Variants in GRID2 observed in about 807,000 individuals in gnomAD.
The protein encoded by GRID2 is glutamate receptor ionotropic, delta-2.
Under a neutral mutation model 114.8 loss-of-function variants are expected in GRID2, and 33 were observed. That is an observed-to-expected ratio of 0.29 (90% confidence interval 0.22 to 0.38). The LOEUF is 0.38. Among genes scored for constraint, GRID2 ranks in the 10% least tolerant of loss-of-function variants. GRID2 has a pLI of 1.00. For synonymous variants in GRID2, 505 were observed against 449.9 expected, an observed-to-expected ratio of 1.12 and a Z score of -1.55; for missense variants, 1,184 against 1,257.7, an observed-to-expected ratio of 0.94 and a Z score of 0.89.
At chr4:92,431,742 AT>A (rs1266967735) in intron 1 of GRID2, among the ~76,000 whole-genome samples, 3 of 152,106 alleles carry the variant, frequency 2.0e-5, no homozygotes, top group Non-Finnish European at 2.9e-5. Context: ...CTGATGCCTT[AT>A]TTAGTTCATT....
At chr4:93,074,354 C>G (rs1729076182) in intron 2 of GRID2, among the ~76,000 whole-genome samples, 1 of 151,950 alleles carries the variant, frequency 6.6e-6, no homozygotes, top group Non-Finnish European at 1.5e-5. Context: ...AGATGTAAAG[C>G]AACAAAAATA....
intron 2 of GRID2, among the ~76,000 whole-genome samples, chr4:92,860,907 C>G (rs1413286358): frequency 6.6e-6 from 1 of 151,974 alleles, no homozygotes; most frequent in Non-Finnish European, 1.5e-5. Flanking sequence ...CTTTAAAGAG[C>G]TAATAGTTTA....
intron 2 of GRID2, among the ~76,000 whole-genome samples, chr4:92,719,534 A>G (rs1163422458): frequency 2.0e-5 from 3 of 152,200 alleles, no homozygotes; most frequent in African/African-American, 4.8e-5. Context: ...CTTAATAGCA[A>G]CTATTTCAAA....
chr4:93,097,391 A>G (rs1366149749), intron 3 of GRID2, among the ~76,000 whole-genome samples: 1 of 151,988 alleles, frequency 6.6e-6, no homozygotes, highest in Non-Finnish European at 1.5e-5. Context: ...ATTTTAAACT[A>G]AACACATAAT....
chr4:93,047,327 A>G (rs1328560055), intron 2 of GRID2, among the ~76,000 whole-genome samples: 1 of 152,128 alleles, frequency 6.6e-6, no homozygotes, highest in African/African-American at 2.4e-5. Flanking sequence ...TGTGAACTTT[A>G]GTTAACAATA....
chr4:92,688,799 A>C (rs1174644716), intron 2 of GRID2, among the ~76,000 whole-genome samples: 1 of 152,182 alleles, frequency 6.6e-6, no homozygotes, highest in Non-Finnish European at 1.5e-5. Flanking sequence ...TAACGTTCTT[A>C]ATGGTATCTA....
intron 4 of GRID2, among the ~76,000 whole-genome samples, chr4:93,147,411 G>C (rs541645197): frequency 1.3e-5 from 2 of 152,270 alleles, no homozygotes; most frequent in African/African-American, 4.8e-5. Flanking sequence ...TGTGTACTCA[G>C]ATTAAATATA....
At chr4:93,570,458 T>C (rs1735833851) in intron 13 of GRID2, among the ~76,000 whole-genome samples, 1 of 152,116 alleles carries the variant, frequency 6.6e-6, no homozygotes, top group South Asian at 2.1e-4. Context: ...GTGGAGACAA[T>C]AAGTTGGTTA....
chr4:93,045,116 G>A (rs909270321), intron 2 of GRID2, among the ~76,000 whole-genome samples: 1 of 152,044 alleles, frequency 6.6e-6, no homozygotes, highest in Non-Finnish European at 1.5e-5. Flanking sequence ...GGCACTATAC[G>A]CAAGCTGGAG....
intron 1 of GRID2, among the ~76,000 whole-genome samples, chr4:92,497,485 A>G (rs1723449791): frequency 6.6e-6 from 1 of 151,870 alleles, no homozygotes; most frequent in African/African-American, 2.4e-5. Flanking sequence ...TAGAGAATAC[A>G]AATTTTAGTA....
chr4:93,770,112 G>A (rs1733991019), intron 15 of GRID2, among the ~76,000 whole-genome samples: 1 of 152,034 alleles, frequency 6.6e-6, no homozygotes, highest in South Asian at 2.1e-4. Flanking sequence ...TTTTATAGTG[G>A]CCTGAGCATT....
At chr4:93,401,267 A>T (rs1433729010) in intron 9 of GRID2, among the ~76,000 whole-genome samples, 1 of 152,138 alleles carries the variant, frequency 6.6e-6, no homozygotes, top group Non-Finnish European at 1.5e-5. Flanking sequence ...AATTGAATTC[A>T]TATATAAATA....
At chr4:92,649,992 A>G (rs1408471535) in intron 2 of GRID2, among the ~76,000 whole-genome samples, 1 of 152,150 alleles carries the variant, frequency 6.6e-6, no homozygotes, top group Non-Finnish European at 1.5e-5. Context: ...TGAGGAGCAT[A>G]TTGAATGCAT....
intron 11 of GRID2, among the ~76,000 whole-genome samples, chr4:93,487,670 G>A (rs74677259): frequency 5.8e-4 from 88 of 151,836 alleles, no homozygotes; most frequent in African/African-American, 2.0e-3. Context: ...TAGTTTCTTA[G>A]CTTTCTTTTT....
intron 2 of GRID2, among the ~76,000 whole-genome samples, chr4:93,081,991 C>A (rs946594128): frequency 1.3e-5 from 2 of 152,188 alleles, no homozygotes; most frequent in African/African-American, 4.8e-5. Flanking sequence ...TAACCTTCAT[C>A]TAGGGCCCTG....
intron 2 of GRID2, among the ~76,000 whole-genome samples, chr4:92,845,655 C>T (rs1743258866): frequency 6.6e-6 from 1 of 152,094 alleles, no homozygotes; most frequent in Non-Finnish European, 1.5e-5. Context: ...CAGGTGCACA[C>T]CTGGCAGCAA....
intron 8 of GRID2, among the ~76,000 whole-genome samples, chr4:93,271,624 G>T (rs1751468297): frequency 1.3e-5 from 2 of 152,068 alleles, no homozygotes; most frequent in South Asian, 4.1e-4. Flanking sequence ...TAAAATTGTT[G>T]AATTTTAAGA....
intron 2 of GRID2, among the ~76,000 whole-genome samples, chr4:92,682,230 G>A (rs984162388): frequency 2.0e-5 from 3 of 152,072 alleles, no homozygotes; most frequent in African/African-American, 7.2e-5. Flanking sequence ...GCAAAATCTT[G>A]TTTAGCCAGG....
chr4:92,958,464 A>T (rs1560744945), intron 2 of GRID2, among the ~76,000 whole-genome samples: 1 of 152,088 alleles, frequency 6.6e-6, no homozygotes, highest in Non-Finnish European at 1.5e-5. Flanking sequence ...GATATGATGG[A>T]CCATATTAAT....
Sources: gnomAD v4.1 joint callset for allele counts (sites outside exome capture counted in the v4.1 genomes callset) on GRCh38, gnomAD v4.1.1 for gene constraint, MANE v1.5 for transcripts, NCBI Gene and HGNC (gene_info 2026-07-23, HGNC 2026-07-21) for gene names.